NWD2: variants seen among roughly 807,000 people sequenced by gnomAD.
NWD2 encodes the protein NACHT and WD repeat domain containing 2, also known as NACHT and WD repeat domain-containing protein 2.
A neutral mutation model predicts 132.7 loss-of-function variants in NWD2; 37 were observed. The ratio of observed to expected loss-of-function variants is 0.28; its 90% CI spans 0.21 to 0.37. NWD2 has a LOEUF of 0.37. NWD2 is among the 10% of genes least tolerant of loss of function. NWD2 has a pLI of 1.00. For synonymous variants in NWD2, 705 were observed against 803.0 expected (o/e 0.88, Z 2.06); for missense variants, 1,592 against 2,122.4 (o/e 0.75, Z 4.91).
intron 1 of NWD2, among the ~76,000 whole-genome samples, chr4:37,271,365 A>G (rs554305139): frequency 1.2e-4 from 18 of 152,004 alleles, no homozygotes; most frequent in African/African-American, 4.3e-4. Context: ...CTTTTAATAC[A>G]TGAATGTGGA....
At chr4:37,351,260 G>T (rs1018765023) in intron 2 of NWD2, among the ~76,000 whole-genome samples, 1 of 152,208 alleles carries the variant, frequency 6.6e-6, no homozygotes, top group Admixed American at 6.5e-5. Context: ...AATGGTGCCA[G>T]CTCCTCTTTG....
chr4:37,418,143 T>C (rs1711679773), intron 3 of NWD2, among the ~76,000 whole-genome samples: 1 of 151,714 alleles, frequency 6.6e-6, no homozygotes, highest in African/African-American at 2.4e-5. Flanking sequence ...AAGTAAGGAG[T>C]TCTTTTAAAA....
At chr4:37,411,505 C>CA (rs1201809677) in intron 3 of NWD2, among the ~76,000 whole-genome samples, 4 of 152,118 alleles carry the variant, frequency 2.6e-5, no homozygotes, top group South Asian at 2.1e-4. Flanking sequence ...GCCTACCAAC[C>CA]AAAAAAAGTC....
chr4:37,331,505 A>T (rs1180726665), intron 2 of NWD2, among the ~76,000 whole-genome samples: 1 of 141,378 alleles, frequency 7.1e-6, no homozygotes, highest in Non-Finnish European at 1.5e-5. Flanking sequence ...CACCAGAATC[A>T]TCACCCTACT....
intron 1 of NWD2, 29 bp downstream of exon 1, chr4:37,245,247 C>A (rs778038077): frequency 2.6e-6 from 4 of 1,511,916 alleles, no homozygotes; most frequent in African/African-American, 1.4e-5. Flanking sequence ...TTTGCCCGTC[C>A]GTCCTTCTGT....
In NWD2 at chr4:37,430,729, A is replaced by G. The variant is rs1465687872; in HGVS notation, c.515A>G (p.Tyr172Cys). Residue 172 changes from tyrosine to cysteine, a missense_variant, in exon 4 of 7, where the codon TAT (tyrosine) becomes TGT (cysteine). Tyr to Cys is a radical substitution (Grantham distance 194). Coordinates refer to ENST00000309447, the MANE Select transcript of NWD2 (RefSeq NM_001144990.2). ...CRDENSVPAA[Y>C]YLRPKSEMLR... The stretch of plus-strand genomic sequence containing the variant: ...GATGAGAACTCGGTGCCAGCAGCCT[A>G]TTACCTCAGACCCAAGTCAGAAATG... The G allele has an allele frequency of 6.4e-7, 1 of 1,551,574 alleles. No individual in the cohort carries two copies. Among genetic ancestry groups the G allele is most frequent in the African/African-American group, 1.4e-5 (1 of 73,046 alleles).
chr4:37,267,795 A>G (rs907099627), intron 1 of NWD2, among the ~76,000 whole-genome samples: 4 of 152,012 alleles, frequency 2.6e-5, no homozygotes, highest in African/African-American at 9.7e-5. Flanking sequence ...AATTAATAAT[A>G]AGTGGGCTCT....
At chr4:37,393,197 G>GGT (rs943691500) in intron 3 of NWD2, among the ~76,000 whole-genome samples, 4 of 270 alleles carry the variant, frequency 0.015, no homozygotes, top group South Asian at 0.25. Context: ...TCCGGGGGTT[G>GGT]GGGGGAGACT....
chr4:37,246,096 T>C (rs1017461199), intron 1 of NWD2, among the ~76,000 whole-genome samples: 6 of 152,258 alleles, frequency 3.9e-5, no homozygotes, highest in Admixed American at 2.6e-4. Context: ...GAATTGCTCT[T>C]TTCTAGGAAA....
In NWD2 at chr4:37,446,208, A is replaced by G; in HGVS notation, c.4220A>G (p.His1407Arg). 5 of 1,551,716 alleles carry G rather than the reference A, an allele frequency of 3.2e-6. No homozygotes were observed. Among genetic ancestry groups the G allele is most frequent in the Non-Finnish European group, 4.4e-6 (5 of 1,147,002 alleles). Residue 1407 changes from histidine to arginine, a missense_variant, in exon 7 of 7, where the codon CAC becomes CGC. His to Arg is a conservative substitution (Grantham distance 29). Transcript: ENST00000309447. The surrounding 1 kb of genome is among the most constrained non-coding windows in gnomAD (Gnocchi z 6.7). The part of the protein sequence containing the change: ...GQRISQLLIT[H>R]NDQFVVSLCE... ...AGAATATCTCAGCTGCTGATTACAC[A>G]CAATGACCAGTTTGTGGTCTCGCTC...
intron 1 of NWD2, among the ~76,000 whole-genome samples, chr4:37,309,432 C>G (rs1010933154): frequency 1.3e-5 from 2 of 152,012 alleles, no homozygotes; most frequent in African/African-American, 4.8e-5. Flanking sequence ...ACCACGGGGT[C>G]CAACTGGAAT....
chr4:37,333,324 G>A (rs1048987676), intron 2 of NWD2, among the ~76,000 whole-genome samples: 3 of 152,160 alleles, frequency 2.0e-5, no homozygotes, highest in Non-Finnish European at 4.4e-5. Flanking sequence ...ACCTAGCATA[G>A]TCCCAGTGGT....
At chr4:37,372,554 A>C (rs1440207436) in intron 3 of NWD2, among the ~76,000 whole-genome samples, 1 of 152,218 alleles carries the variant, frequency 6.6e-6, no homozygotes, top group Admixed American at 6.5e-5. Context: ...GTCAAACTAC[A>C]AGTTATCTGG....
chr4:37,276,669 A>G (rs954068015), intron 1 of NWD2, among the ~76,000 whole-genome samples: 1 of 152,148 alleles, frequency 6.6e-6, no homozygotes, highest in African/African-American at 2.4e-5. Context: ...TCATGCTGCT[A>G]TAAAGACACA....
chr4:37,341,115 C>T (rs921793691), intron 2 of NWD2, among the ~76,000 whole-genome samples: 1 of 152,234 alleles, frequency 6.6e-6, no homozygotes, highest in African/African-American at 2.4e-5. Flanking sequence ...AGAAACTGCA[C>T]TTCAAGTACC....
intron 1 of NWD2, among the ~76,000 whole-genome samples, chr4:37,297,330 A>G (rs1264254977): frequency 6.6e-6 from 1 of 152,136 alleles, no homozygotes; most frequent in African/African-American, 2.4e-5. Context: ...GTTATACTGT[A>G]TTATTTGTAT....
chr4:37,308,349 T>A (rs1393065078), intron 1 of NWD2, among the ~76,000 whole-genome samples: 2 of 152,200 alleles, frequency 1.3e-5, no homozygotes, highest in Admixed American at 1.3e-4. Flanking sequence ...ATGTGTTTCT[T>A]CAGCTGTAAT....
At chr4:37,353,557 T>C (rs754291989) in intron 2 of NWD2, among the ~76,000 whole-genome samples, 12 of 152,102 alleles carry the variant, frequency 7.9e-5, no homozygotes, top group African/African-American at 2.7e-4. Context: ...TCATTTTTTT[T>C]CTCTAATCTT....
chr4:37,256,369 A>G (rs1228127518), intron 1 of NWD2, among the ~76,000 whole-genome samples: 1 of 152,254 alleles, frequency 6.6e-6, no homozygotes, highest in Non-Finnish European at 1.5e-5. Flanking sequence ...CCCAGATGAC[A>G]GAACTGGTAA....
Sources: allele counts gnomAD v4.1 joint callset (sites outside exome capture counted in the v4.1 genomes callset), GRCh38; gene constraint gnomAD v4.1.1; non-coding constraint Gnocchi (gnomAD v3.1); transcripts MANE v1.5; gene names NCBI Gene and HGNC (gene_info 2026-07-23, HGNC 2026-07-21).